The following LRRTM4 variants were observed in gnomAD, a reference collection of about 807,000 sequenced individuals.
The protein encoded by LRRTM4 is leucine-rich repeat transmembrane neuronal protein 4.
A neutral mutation model predicts 47.6 loss-of-function variants in LRRTM4; 25 were observed. That is an observed-to-expected ratio of 0.53 (90% CI 0.38 to 0.73). The LOEUF is 0.73. Ranked by LOEUF, LRRTM4 falls within the 30% of genes least tolerant of loss-of-function variation. The pLI, the probability that LRRTM4 is intolerant of heterozygous loss-of-function variation, is 0.00. For missense variants in LRRTM4, 638 were observed against 713.4 expected (o/e 0.89, Z 1.20); for synonymous variants, 311 against 269.5 (o/e 1.15, Z -1.51).
intron 3 of LRRTM4, among the ~76,000 whole-genome samples, chr2:77,141,659 G>C (rs1672126965): frequency 6.6e-6 from 1 of 152,074 alleles, no homozygotes; most frequent in East Asian, 1.9e-4. Flanking sequence ...CTATGAGCTA[G>C]ACATTCAATG....
chr2:76,874,031 T>C (rs1243572439), intron 3 of LRRTM4, among the ~76,000 whole-genome samples: 1 of 151,938 alleles, frequency 6.6e-6, no homozygotes. Context: ...AATCAAACAT[T>C]TACTCCCCCC....
At chr2:76,772,732 A>G (rs1673765064) in intron 3 of LRRTM4, among the ~76,000 whole-genome samples, 1 of 152,208 alleles carries the variant, frequency 6.6e-6, no homozygotes, top group Non-Finnish European at 1.5e-5. Context: ...GTATAGTACA[A>G]TAAGACATTT....
intron 3 of LRRTM4, among the ~76,000 whole-genome samples, chr2:77,438,526 C>A (rs1182742565): frequency 1.3e-5 from 2 of 150,770 alleles, no homozygotes; most frequent in African/African-American, 4.9e-5. Flanking sequence ...CCTTCCTCAG[C>A]CTCCCGAATA....
At chr2:76,867,212 T>C (rs1672493423) in intron 3 of LRRTM4, among the ~76,000 whole-genome samples, 1 of 152,178 alleles carries the variant, frequency 6.6e-6, no homozygotes, top group African/African-American at 2.4e-5. Context: ...TCAGCGCATG[T>C]ATCTCAGAAC....
At chr2:77,240,871 C>T (rs1675240006) in intron 3 of LRRTM4, among the ~76,000 whole-genome samples, 1 of 151,618 alleles carries the variant, frequency 6.6e-6, no homozygotes, top group South Asian at 2.1e-4. Context: ...AATCTGTATG[C>T]TGAATAATAA....
intron 3 of LRRTM4, among the ~76,000 whole-genome samples, chr2:77,465,027 T>C (rs1007358958): frequency 2.6e-5 from 4 of 152,198 alleles, no homozygotes; most frequent in African/African-American, 9.6e-5. Flanking sequence ...AGATAAAGCA[T>C]GTTGGAGAAC....
chr2:77,199,031 T>G (rs1455660166), intron 3 of LRRTM4, among the ~76,000 whole-genome samples: 2 of 152,204 alleles, frequency 1.3e-5, no homozygotes, highest in African/African-American at 4.8e-5. Flanking sequence ...GTGTCCTTGG[T>G]ATCTGTAGAT....
chr2:76,835,307 T>C (rs573988173), intron 3 of LRRTM4, among the ~76,000 whole-genome samples: 3 of 151,182 alleles, frequency 2.0e-5, no homozygotes, highest in African/African-American at 7.3e-5. Flanking sequence ...AATGTGAGTG[T>C]CTGGCTCCTA....
chr2:77,308,073 A>T (rs1288081619), intron 3 of LRRTM4, among the ~76,000 whole-genome samples: 2 of 141,892 alleles, frequency 1.4e-5, no homozygotes, highest in African/African-American at 5.2e-5. Flanking sequence ...TATCTATATA[A>T]CATATATAGA....
intron 3 of LRRTM4, among the ~76,000 whole-genome samples, chr2:77,477,725 G>T (rs1677460820): frequency 6.6e-6 from 1 of 151,286 alleles, no homozygotes; most frequent in African/African-American, 2.4e-5. Context: ...CTGTGTGGTG[G>T]CTACTTGGGA....
intron 3 of LRRTM4, among the ~76,000 whole-genome samples, chr2:77,162,882 A>T (rs1167952792): frequency 6.6e-6 from 1 of 152,222 alleles, no homozygotes; most frequent in Admixed American, 6.5e-5. Flanking sequence ...ACCAGAGCAG[A>T]AAAGCTGAAA....
intron 3 of LRRTM4, among the ~76,000 whole-genome samples, chr2:77,340,930 T>A (rs938188523): frequency 3.9e-5 from 6 of 151,926 alleles, no homozygotes; most frequent in African/African-American, 1.2e-4. Flanking sequence ...ATAAAATACC[T>A]CTGAGTCAGA....
chr2:76,912,674 G>A (rs1307833630), intron 3 of LRRTM4, among the ~76,000 whole-genome samples: 2 of 152,154 alleles, frequency 1.3e-5, no homozygotes, highest in Admixed American at 6.5e-5. Flanking sequence ...CCCATTGCTG[G>A]AGGTGTTGAC....
At chr2:77,451,696 T>C (rs1676260798) in intron 3 of LRRTM4, among the ~76,000 whole-genome samples, 2 of 152,184 alleles carry the variant, frequency 1.3e-5, no homozygotes, top group African/African-American at 4.8e-5. Flanking sequence ...TGAAAACAAC[T>C]AACTTACTAA....
In LRRTM4 at chr2:76,795,241, CTTT is replaced by C. The variant is rs1558658076; in HGVS notation, c.1552-46328_1552-46326del. Among the ~76,000 whole-genome samples, 6 of 152,144 alleles carry C rather than the reference CTTT, an allele frequency of 3.9e-5. No individual in the cohort carries two copies. In the East Asian group the frequency reaches 7.7e-4, roughly 20 times the overall value. ...AAATTAATGAAAAGTGTGTTTTGTACTTTAAAAATCATTTTTAATTGACAAATA... is the reference window on the plus strand; with the variant it reads ...AAATTAATGAAAAGTGTGTTTTGTACAAAAATCATTTTTAATTGACAAATA... On this transcript the variant is annotated intron_variant, in intron 3 of 3. Transcript: ENST00000409884.
intron 3 of LRRTM4, among the ~76,000 whole-genome samples, chr2:77,068,590 G>A (rs1228493282): frequency 2.6e-5 from 4 of 152,026 alleles, no homozygotes; most frequent in African/African-American, 9.7e-5. Flanking sequence ...TCCTTTAATT[G>A]TATATGTTTT....
chr2:77,364,140 A>C lies in LRRTM4; in HGVS notation c.1551+154178T>G, dbSNP rs528440363. Among the ~76,000 whole-genome samples, 21 of 142,976 alleles carry C rather than the reference A, an allele frequency of 1.5e-4. No homozygotes were observed. The South Asian group carries it at 3.1e-3, about 21-fold the overall frequency. The allele number at this position is 142,976 out of a possible 152,430, so 93.8% of individuals were successfully genotyped here. ...GCCATGGATGACTACAAAAAAAAAA[A>C]AAACAAGTTCTTGTTTATCCCTCTG... is the stretch of plus-strand genomic sequence containing the variant. On this transcript the variant is annotated intron_variant, in intron 3 of 3. Transcript: ENST00000409884.
intron 3 of LRRTM4, among the ~76,000 whole-genome samples, chr2:77,087,525 C>G (rs575620413): frequency 2.6e-5 from 4 of 152,240 alleles, no homozygotes; most frequent in Non-Finnish European, 4.4e-5. Context: ...TACAGACATT[C>G]AACCAATGTT....
intron 3 of LRRTM4, among the ~76,000 whole-genome samples, chr2:77,237,841 C>G (rs1675146779): frequency 6.6e-6 from 1 of 152,140 alleles, no homozygotes; most frequent in Non-Finnish European, 1.5e-5. Flanking sequence ...TGCCTCAGGG[C>G]ACAAGTAAAG....
Sources: allele counts gnomAD v4.1 joint callset (sites outside exome capture counted in the v4.1 genomes callset), GRCh38; gene constraint gnomAD v4.1.1; transcripts MANE v1.5; gene names NCBI Gene and HGNC (gene_info 2026-07-23, HGNC 2026-07-21).